Variants in SLC11A1 observed in about 807,000 individuals in gnomAD.
SLC11A1 encodes the protein natural resistance-associated macrophage protein 1.
SLC11A1 carries 59 observed loss-of-function variants against 63.2 expected under a neutral mutation model. The observed-to-expected ratio is 0.93, with a 90% CI of 0.76 to 1.16. The LOEUF is 1.16. Ranked by LOEUF, SLC11A1 falls within the 50% of genes most tolerant of loss-of-function variation. The probability of loss-of-function intolerance (pLI) is 0.00; values close to 1 mark genes in which losing one functional copy is unlikely to be tolerated. For synonymous variants in SLC11A1, 305 were observed against 307.8 expected, an observed-to-expected ratio of 0.99 and a Z score of 0.09; for missense variants, 688 against 730.7, an observed-to-expected ratio of 0.94 and a Z score of 0.67.
chr2:218,386,941 G>A, intron 5 of SLC11A1, 200 bp downstream of exon 5: 1 of 647,420 alleles, frequency 1.5e-6, no homozygotes, highest in Non-Finnish European at 2.8e-6. Context: ...TGGGACTGCA[G>A]CCCCAAACTC....
chr2:218,386,977 T>TCCTCTAG, intron 5 of SLC11A1, 183 bp from the exon 6 acceptor site: 1 of 657,906 alleles, frequency 1.5e-6, no homozygotes, highest in Non-Finnish European at 2.7e-6. Flanking sequence ...GCCAGGTCTC[T>TCCTCTAG]CCTCTAGCTC....
chr2:218,389,567 A>T (rs1352088409), intron 8 of SLC11A1, among the ~76,000 whole-genome samples: 1 of 152,018 alleles, frequency 6.6e-6, no homozygotes, highest in Non-Finnish European at 1.5e-5. Context: ...AAATAAAATA[A>T]AGTAAGCTGG....
chr2:218,390,458 C>G lies in SLC11A1; in HGVS notation c.954+430C>G, dbSNP rs56384128. 8.8e-3 allele frequency among the ~76,000 whole-genome samples: 1,343 copies of G among 152,338 alleles called. 23 individuals carry two copies. The highest frequency in any genetic ancestry group is 0.03 in the African/African-American group (1,259 of 41,576). ...GGAAAAGGAACTAGCCAGCTCCTCCCTGACTCTCTGGGATCTGGGACCTGT... is the reference window on the plus strand; with the variant it reads ...GGAAAAGGAACTAGCCAGCTCCTCCGTGACTCTCTGGGATCTGGGACCTGT... On this transcript the variant is annotated intron_variant, in intron 9 of 14. Coordinates refer to ENST00000233202, the MANE Select transcript of SLC11A1 (RefSeq NM_000578.4).
At chr2:218,382,508 T>C in intron 1 of SLC11A1, 133 bp downstream of exon 1, 1 of 927,328 alleles carries the variant, frequency 1.1e-6, no homozygotes, top group Non-Finnish European at 1.7e-6. Context: ...GTGGGAGTCC[T>C]AGTCTAGAAC....
At chr2:218,386,936 C>T in intron 5 of SLC11A1, 195 bp downstream of exon 5, 1 of 648,640 alleles carries the variant, frequency 1.5e-6, no homozygotes. Context: ...GACTTTGGGA[C>T]TGCAGCCCCA....
chr2:218,394,984 C>T lies in SLC11A1; in HGVS notation c.1602C>T (p.His534=), dbSNP rs1559126710. Residue 534 remains histidine (H), a synonymous_variant, in exon 15 of 15, where the codon CAC becomes CAT. Coordinates refer to ENST00000233202, the MANE Select transcript of SLC11A1 (RefSeq NM_000578.4). Reference sequence around the variant, plus strand: ...TTCTGGCCCACAGCTCCCACCACCACTTCCTGTATGGGCTCCTTGAAGAGG... The same window carrying T: ...TTCTGGCCCACAGCTCCCACCACCATTTCCTGTATGGGCTCCTTGAAGAGG... The part of the protein sequence containing the change: ...ATFLAHSSHH[H]FLYGLLEEDQ... 1.2e-6 allele frequency: 2 copies of T among 1,613,336 alleles called. No homozygotes were observed. The highest frequency in any genetic ancestry group is 3.3e-5 in the Admixed American group (2 of 59,946).
chr2:218,391,606 T>G, intron 11 of SLC11A1, 111 bp downstream of exon 11: 1 of 1,285,166 alleles, frequency 7.8e-7, no homozygotes, highest in Non-Finnish European at 1.0e-6. Context: ...TTTCTTTTCT[T>G]CCTTTTTTTT....
At position 218,387,202 on chromosome 2, in the gene SLC11A1, C is replaced by T; in HGVS notation, c.543C>T (p.Thr181=). 6.2e-7 allele frequency: 1 copy of T among 1,614,024 alleles called. No homozygotes were observed. The highest frequency in any genetic ancestry group is 8.5e-7 in the Non-Finnish European group (1 of 1,179,948). The change falls in exon 6 of 15, where the codon ACC becomes ACT. Residue 181 remains threonine, a synonymous_variant. Coordinates refer to ENST00000233202, the MANE Select transcript of SLC11A1 (RefSeq NM_000578.4). Reference sequence around the variant, plus strand: ...GCGTCCTCATCACCATCGTGGACACCTTCTTCTTCCTCTTCCTCGATAACT... The same window carrying T: ...GCGTCCTCATCACCATCGTGGACACTTTCTTCTTCCTCTTCCTCGATAACT... The part of the protein sequence containing the change: ...WGGVLITIVD[T]FFFLFLDNYG...
chr2:218,385,142 C>T lies in SLC11A1; in HGVS notation c.274-5C>T. ...GGCTGAAGGCCTCTCCCTGCCTCCT[C>T]ACAGCTTCTCTGGGTGCTGCTCTGG... On this transcript the variant is annotated splice_polypyrimidine_tract_variant and splice_region_variant and intron_variant, in intron 3 of 14. Transcript: ENST00000233202. The T allele has an allele frequency of 6.2e-7, 1 of 1,613,590 alleles. No homozygotes were observed. Among genetic ancestry groups the T allele is most frequent in the Non-Finnish European group, 8.5e-7 (1 of 1,179,762 alleles).
rs1574774767 is a variant in SLC11A1, at chr2:218,391,285, G to A, written c.1042G>A (p.Gly348Arg). The A allele has an allele frequency of 6.2e-7, 1 of 1,614,130 alleles. No homozygotes were observed. The highest frequency in any genetic ancestry group is 2.2e-5 in the East Asian group (1 of 44,872). Residue 348 changes from glycine (G) to arginine (R), a missense_variant and splice_region_variant, in exon 10 of 15, where the codon GGG becomes AGG. Physicochemically the swap from Gly to Arg is moderately radical, Grantham distance 125. Transcript: ENST00000233202. ...NATVAVDIYQ[G>R]GVILGCLFGP... ...CACCGTGGCCGTGGACATTTACCAG[G>A]GGGTGAGCGCGGGTGGGTGGGGAGG...
At chr2:218,388,177 G>A in intron 8 of SLC11A1, 1 of 535,400 alleles carries the variant, frequency 1.9e-6, no homozygotes, top group South Asian at 2.5e-5. Context: ...ACACCATCCT[G>A]GTCAACATGG....
rs562926662 is a variant in SLC11A1 at position 218,396,069 on chromosome 2, T to C, written c.*1034T>C. On this transcript the variant is annotated 3_prime_UTR_variant, in exon 15 of 15. Coordinates refer to ENST00000233202, the MANE Select transcript of SLC11A1 (RefSeq NM_000578.4). ...CGCCGCGCCGTTACCGCTCCCTCTC[T>C]GCTGACTGCTCCCCCTAGGGGCAGA... The C allele has an allele frequency of 6.6e-6, 1 of 152,436 alleles. No homozygotes were observed. Among genetic ancestry groups the C allele is most frequent in the South Asian group, 2.1e-4 (1 of 4,834 alleles). 9.4% of individuals were successfully genotyped at this position (152,436 alleles called of 1,614,324 possible).
In SLC11A1 at chr2:218,394,738, C is replaced by T; in HGVS notation, c.1495C>T (p.Leu499Phe). 6.2e-7 allele frequency: 1 copy of T among 1,613,852 alleles called. No individual in the cohort carries two copies. The change falls in exon 14 of 15, where the codon CTT (leucine) becomes TTT (phenylalanine). Residue 499 changes from leucine (L) to phenylalanine (F), a missense_variant. Physicochemically the swap from Leu to Phe is conservative, Grantham distance 22. Transcript: ENST00000233202. ...PSLPHPAYFG[L>F]AALLAAAYLG... ...CCTGCCCCACCCTGCCTACTTCGGC[C>T]TTGCAGCCTTGCTGGCCGCAGCCTA...
rs546743509 is a variant in SLC11A1 at position 218,393,780 on chromosome 2, AT to A, written c.1315-325del. ...GGCATGAGCCACTGAGGCAGGTCTA[AT>A]TTTTTTTTTTTTTTAAGTAGAGACA... On this transcript the variant is annotated intron_variant, in intron 12 of 14. Transcript: ENST00000233202. Among the ~76,000 whole-genome samples the A allele has an allele frequency of 4.0e-3, 574 of 143,038 alleles. 2 individuals are homozygous for A. The highest frequency in any genetic ancestry group is 0.028 in the South Asian group (125 of 4,476). 93.8% of individuals were successfully genotyped at this position (143,038 alleles called of 152,430 possible). A position where few individuals can be genotyped will look rare whatever the true frequency, so the allele number is the denominator to read the frequency against.
Position 218,394,930 on chromosome 2 carries a change from G to T in SLC11A1, c.1548G>T (p.Trp516Cys). ...CATGGTTGCCCCTCCCCCAGGTCTG[G>T]ACCTGTTGCCTTGCCCACGGAGCCA... Reference protein sequence around the residue: ...AYLGLSTYLVWTCCLAHGATF... With the variant: ...AYLGLSTYLVCTCCLAHGATF... The change falls in exon 15 of 15, where the codon TGG (tryptophan) becomes TGT (cysteine). Residue 516 changes from tryptophan to cysteine, a missense_variant. Physicochemically the swap from Trp to Cys is radical, Grantham distance 215. Transcript: ENST00000233202. 6.2e-7 allele frequency: 1 copy of T among 1,612,834 alleles called. No homozygotes were observed. The highest frequency in any genetic ancestry group is 1.1e-5 in the South Asian group (1 of 90,800).
At chr2:218,394,019 C>T in intron 12 of SLC11A1, 101 bp from the exon 13 acceptor site, 1 of 1,163,360 alleles carries the variant, frequency 8.6e-7, no homozygotes, top group South Asian at 1.4e-5. Flanking sequence ...CAGTTGAGCT[C>T]ACACCCACAC....
chr2:218,384,501 T>C lies in SLC11A1; in HGVS notation c.273+136T>C. 2 of 1,053,142 alleles carry C rather than the reference T, an allele frequency of 1.9e-6. No individual in the cohort carries two copies. The highest frequency in any genetic ancestry group is 2.6e-6 in the Non-Finnish European group (2 of 756,586). 65.2% of individuals were successfully genotyped at this position (1,053,142 alleles called of 1,614,324 possible). A position where few individuals can be genotyped will look rare whatever the true frequency, so the allele number is the denominator to read the frequency against. On this transcript the variant is annotated intron_variant, in intron 3 of 14. Coordinates refer to ENST00000233202, the MANE Select transcript of SLC11A1 (RefSeq NM_000578.4). This position sits in a 1 kb window ranked among gnomAD's most constrained non-coding sequence, Gnocchi z 4.0. ...TAAGTTCAAATGGGCCCGAAAAGGG[T>C]CCCCAGGGCAGCCCTGCCAGAAGGT... is the stretch of plus-strand genomic sequence containing the variant.
rs1193058628 is a variant in SLC11A1, at chr2:218,384,218, C to G, written c.151-25C>G. 1.9e-6 allele frequency: 3 copies of G among 1,574,946 alleles called. No individual in the cohort carries two copies. The highest frequency in any genetic ancestry group is 2.6e-6 in the Non-Finnish European group (3 of 1,153,356). On this transcript the variant is annotated intron_variant, in intron 2 of 14. Coordinates refer to ENST00000233202, the MANE Select transcript of SLC11A1 (RefSeq NM_000578.4). This position sits in a 1 kb window ranked among gnomAD's most constrained non-coding sequence, Gnocchi z 4.0. ...CATCCCTATACCCAGGACCCCCTCA[C>G]TCTACTCCTCCCACCCCCCAACAGG...
At chr2:218,393,483 T>A (rs1320461194) in intron 12 of SLC11A1, among the ~76,000 whole-genome samples, 1 of 151,172 alleles carries the variant, frequency 6.6e-6, no homozygotes, top group East Asian at 1.9e-4. Context: ...AATTTTTTTT[T>A]TTTTTTTTTT....
Sources: allele counts gnomAD v4.1 joint callset (sites outside exome capture counted in the v4.1 genomes callset), GRCh38; gene constraint gnomAD v4.1.1; non-coding constraint Gnocchi (gnomAD v3.1); transcripts MANE v1.5; gene names NCBI Gene and HGNC (gene_info 2026-07-23, HGNC 2026-07-21).